The following MEF2C variants were observed in gnomAD, a reference collection of about 807,000 sequenced individuals.
MEF2C encodes the protein myocyte-specific enhancer factor 2C.
A neutral mutation model predicts 50.5 loss-of-function variants in MEF2C; 6 were observed. That is an observed-to-expected ratio of 0.12 (90% CI 0.07 to 0.23). MEF2C has a LOEUF of 0.23. Among genes scored for constraint, MEF2C ranks in the 10% least tolerant of loss-of-function variants. The pLI, the probability that MEF2C is intolerant of heterozygous loss-of-function variation, is 1.00. For missense variants in MEF2C, 276 were observed against 605.0 expected (o/e 0.46, Z 5.70); for synonymous variants, 183 against 228.0 (o/e 0.80, Z 1.78).
At chr5:88,802,299 G>A (rs1798698467) in intron 3 of MEF2C, among the ~76,000 whole-genome samples, 1 of 152,192 alleles carries the variant, frequency 6.6e-6, no homozygotes, top group Non-Finnish European at 1.5e-5. Flanking sequence ...TCACCACACT[G>A]CACAAAAGTG....
rs587781034 is a variant in MEF2C at position 88,761,275 on chromosome 5, G to A, written c.312C>T (p.Asp104=). ...ACTCAGGGCTGTGACCTACGGAATC[G>A]TCCGCATCGGGGTCTGGGCTGTCAC... ...NGCDSPDPDA[D]DSVGHSPESE... The change falls in exon 4 of 11, where the codon GAC becomes GAT. Residue 104 remains aspartate, a synonymous_variant. Coordinates refer to ENST00000504921, the MANE Select transcript of MEF2C (RefSeq NM_002397.5). 138 of 1,613,840 alleles carry A rather than the reference G, an allele frequency of 8.6e-5. No homozygotes were observed. Among genetic ancestry groups the A allele is most frequent in the Non-Finnish European group, 1.1e-4 (125 of 1,179,884 alleles).
Position 88,747,026 on chromosome 5 carries a change from A to T in MEF2C, c.637+2044T>A, listed in dbSNP as rs181266308. 2.6e-5 allele frequency among the ~76,000 whole-genome samples: 4 copies of T among 152,314 alleles called. No homozygotes were observed. In the East Asian group the frequency reaches 5.8e-4, roughly 22 times the overall value. ...TCTGAATTAGAAGATTCTCATACCT[A>T]TGGTAGAGGTCCTGAGGTAAGAGGA... On this transcript the variant is annotated intron_variant, in intron 6 of 10. Transcript: ENST00000504921.
At chr5:88,733,159 T>C in intron 6 of MEF2C, 1 of 985,270 alleles carries the variant, frequency 1.0e-6, no homozygotes. Context: ...AATAAAAGAT[T>C]CACAGAAGAG....
chr5:88,817,173 G>T (rs1805839746), intron 2 of MEF2C, among the ~76,000 whole-genome samples: 1 of 151,988 alleles, frequency 6.6e-6, no homozygotes, highest in African/African-American at 2.4e-5. Flanking sequence ...TTTAAAGAGT[G>T]AATGTATCTC....
At chr5:88,827,066 C>T (rs1811202144) in intron 1 of MEF2C, 1 of 151,866 alleles carries the variant, frequency 6.6e-6, no homozygotes, top group Non-Finnish European at 1.5e-5. Flanking sequence ...TGGCAGGCTT[C>T]TGCTCATTTT....
At chr5:88,752,195 A>G (rs1183467393) in intron 4 of MEF2C, among the ~76,000 whole-genome samples, 152 bp from the exon 5 acceptor site, 2 of 152,284 alleles carry the variant, frequency 1.3e-5, no homozygotes, top group Admixed American at 6.5e-5. Context: ...CAAGACGTTC[A>G]GATCATAAAT....
intron 3 of MEF2C, among the ~76,000 whole-genome samples, chr5:88,768,953 C>T (rs1177151264): frequency 6.6e-6 from 1 of 152,122 alleles, no homozygotes; most frequent in Non-Finnish European, 1.5e-5. Flanking sequence ...TTTAGGGGTA[C>T]TAGTCTAAAT....
At chr5:88,842,041 C>T (rs537775104) in intron 1 of MEF2C, among the ~76,000 whole-genome samples, 28 of 152,202 alleles carry the variant, frequency 1.8e-4, no homozygotes, top group African/African-American at 6.7e-4. Flanking sequence ...GATTTCCATT[C>T]CTCATACAGA....
intron 5 of MEF2C, among the ~76,000 whole-genome samples, chr5:88,750,667 A>G (rs1008248292): frequency 2.6e-5 from 4 of 152,244 alleles, no homozygotes; most frequent in Admixed American, 6.5e-5. Context: ...GAAAATTCAT[A>G]CGAAAATTTT....
At chr5:88,731,991 C>A in intron 6 of MEF2C, 90 bp from the exon 7 acceptor site, 1 of 1,225,416 alleles carries the variant, frequency 8.2e-7, no homozygotes, top group South Asian at 1.6e-5. Context: ...AAAACAAAAG[C>A]TTAATGGTAA....
chr5:88,739,358 T>C, intron 6 of MEF2C: 1 of 984,376 alleles, frequency 1.0e-6, no homozygotes, highest in Non-Finnish European at 1.2e-6. Flanking sequence ...AATAAAGCAA[T>C]TTTGAAAACA....
chr5:88,814,147 GC>G (rs1278254066), intron 2 of MEF2C, among the ~76,000 whole-genome samples: 2 of 152,096 alleles, frequency 1.3e-5, no homozygotes, highest in Admixed American at 1.3e-4. Flanking sequence ...AAAGGGAAAT[GC>G]CCTCCTAAAT....
chr5:88,820,618 A>C (rs1280960815), intron 2 of MEF2C, among the ~76,000 whole-genome samples: 1 of 152,038 alleles, frequency 6.6e-6, no homozygotes, highest in Non-Finnish European at 1.5e-5. Context: ...GCAGTCTTTG[A>C]CAACTTTTAA....
chr5:88,747,343 T>C (rs1770315498), intron 6 of MEF2C, among the ~76,000 whole-genome samples: 15 of 19,234 alleles, frequency 7.8e-4, no homozygotes, highest in African/African-American at 9.8e-4. Flanking sequence ...CTTTTTTTTT[T>C]TTTTTTTTTT....
intron 1 of MEF2C, among the ~76,000 whole-genome samples, chr5:88,825,106 T>C (rs571398835): frequency 6.6e-6 from 1 of 152,030 alleles, no homozygotes; most frequent in South Asian, 2.1e-4. Context: ...AATTCCCACA[T>C]GTATTATGTA....
At chr5:88,750,203 C>A in intron 5 of MEF2C, 4 of 522,034 alleles carry the variant, frequency 7.7e-6, no homozygotes, top group Non-Finnish European at 9.8e-6. Flanking sequence ...CATATATATA[C>A]ACGATTTTTT....
At chr5:88,793,244 G>GTACTTATCCTT (rs1794590389) in intron 3 of MEF2C, among the ~76,000 whole-genome samples, 7 of 152,192 alleles carry the variant, frequency 4.6e-5, no homozygotes, top group Admixed American at 3.9e-4. Flanking sequence ...GCCAAGTAGA[G>GTACTTATCCTT]ATCCAGTAAG....
chr5:88,823,119 A>G (rs1389730445), intron 2 of MEF2C, among the ~76,000 whole-genome samples: 1 of 152,008 alleles, frequency 6.6e-6, no homozygotes, highest in Non-Finnish European at 1.5e-5. Flanking sequence ...CATTCTAGAA[A>G]AAAATTATAA....
intron 1 of MEF2C, among the ~76,000 whole-genome samples, chr5:88,834,809 T>C (rs535250336): frequency 1.3e-5 from 2 of 152,196 alleles, no homozygotes; most frequent in East Asian, 3.8e-4. Flanking sequence ...TCTTTCTCTA[T>C]AGAGTGGGAA....
Sources: gnomAD v4.1 joint callset for allele counts (sites outside exome capture counted in the v4.1 genomes callset) on GRCh38, gnomAD v4.1.1 for gene constraint, MANE v1.5 for transcripts, NCBI Gene and HGNC (gene_info 2026-07-23, HGNC 2026-07-21) for gene names.